Variants in ERBIN observed in about 807,000 individuals in gnomAD.
ERBIN encodes the protein erbb2 interacting protein.
In ERBIN, 60 loss-of-function variants were observed where a neutral mutation model predicts 158.4. The ratio of observed to expected loss-of-function variants is 0.38; its 90% CI spans 0.31 to 0.47. The LOEUF (loss-of-function observed/expected upper bound fraction) is 0.47. Ranked by LOEUF, ERBIN falls within the 20% of genes least tolerant of loss-of-function variation. The pLI is 0.99. For synonymous variants in ERBIN, 594 were observed against 557.2 expected, an observed-to-expected ratio of 1.07 and a Z score of -0.93; for missense variants, 1,610 against 1,648.0, an observed-to-expected ratio of 0.98 and a Z score of 0.40.
chr5:65,973,933 A>G (rs543159723), intron 1 of ERBIN, among the ~76,000 whole-genome samples: 2 of 151,484 alleles, frequency 1.3e-5, no homozygotes, highest in Admixed American at 1.3e-4. Context: ...CTATTGTGCT[A>G]ATACATAAAA....
In ERBIN at chr5:66,029,846, C is replaced by G. The variant is rs1756669837; in HGVS notation, c.1206+1503C>G. On this transcript the variant is annotated intron_variant, in intron 14 of 25. Transcript: ENST00000284037. ...CCTCATGATCCGCTTGTGTTGGCCT[C>G]CCAAAAGTGCTGGGATTACAGGCGT... Among the ~76,000 whole-genome samples, 3 of 152,138 alleles carry G rather than the reference C, an allele frequency of 2.0e-5. No homozygotes were observed. The South Asian group carries it at 6.2e-4, about 32-fold the overall frequency.
At chr5:65,957,242 A>G (rs912658819) in intron 1 of ERBIN, among the ~76,000 whole-genome samples, 1 of 147,836 alleles carries the variant, frequency 6.8e-6, no homozygotes, top group Non-Finnish European at 1.5e-5. Flanking sequence ...TTTTTTATTG[A>G]TCATTCTTGG....
At chr5:66,055,354 T>C (rs557422610) in intron 21 of ERBIN, among the ~76,000 whole-genome samples, 32 of 152,314 alleles carry the variant, frequency 2.1e-4, no homozygotes, top group Non-Finnish European at 3.8e-4. Context: ...CAAATGTAAA[T>C]ATTTCATCTA....
intron 14 of ERBIN, among the ~76,000 whole-genome samples, chr5:66,031,376 A>T (rs1198028822): frequency 6.6e-6 from 1 of 152,212 alleles, no homozygotes; most frequent in Non-Finnish European, 1.5e-5. Flanking sequence ...TGTGCCAGGC[A>T]ATTTAAGGTG....
chr5:65,965,920 A>G (rs995111427), intron 1 of ERBIN, among the ~76,000 whole-genome samples: 3 of 152,216 alleles, frequency 2.0e-5, no homozygotes, highest in South Asian at 2.1e-4. Flanking sequence ...TGATAAATCC[A>G]TGGGATCAAA....
intron 21 of ERBIN, among the ~76,000 whole-genome samples, chr5:66,066,538 A>AT (rs1761022389): frequency 1.3e-5 from 2 of 151,952 alleles, no homozygotes; most frequent in African/African-American, 4.8e-5. Context: ...AAAAAAAACA[A>AT]AAAAAACTGT....
chr5:66,010,387 A>G (rs1754078768), intron 4 of ERBIN, among the ~76,000 whole-genome samples: 1 of 152,162 alleles, frequency 6.6e-6, no homozygotes, highest in Non-Finnish European at 1.5e-5. Flanking sequence ...CTTTCAAGCA[A>G]TTTTGAAGGT....
Position 66,077,789 on chromosome 5 carries a change from C to T in ERBIN, c.4132-634C>T, listed in dbSNP as rs969065838. ...ACACACACACACACACACACACACA[C>T]ACACATACACACACACACACAGTCA... is the stretch of plus-strand genomic sequence containing the variant. On this transcript the variant is annotated intron_variant, in intron 25 of 25. Coordinates refer to ENST00000284037, the MANE Select transcript of ERBIN (RefSeq NM_001253697.2). 1.7e-3 allele frequency among the ~76,000 whole-genome samples: 219 copies of T among 131,918 alleles called. 1 individual carries two copies. Among genetic ancestry groups the T allele is most frequent in the African/African-American group, 6.4e-3 (217 of 33,806 alleles). 86.5% of individuals were successfully genotyped at this position (131,918 alleles called of 152,430 possible).
rs1389210458 is a variant in ERBIN, at chr5:66,081,392, G to A, written c.*2862G>A. 2.0e-5 allele frequency: 3 copies of A among 151,864 alleles called. No homozygotes were observed. Among genetic ancestry groups the A allele is most frequent in the Admixed American group, 2.0e-4 (3 of 15,254 alleles). The allele number at this position is 151,864 out of a possible 1,614,324, so 9.4% of individuals were successfully genotyped here. On this transcript the variant is annotated 3_prime_UTR_variant, in exon 26 of 26. Coordinates refer to ENST00000284037, the MANE Select transcript of ERBIN (RefSeq NM_001253697.2). Reference sequence around the variant, plus strand: ...CTTAATTCTTTTAAACACAAAACTTGCCATAAGCAGAACCAAACTTTTAAG... The same window carrying A: ...CTTAATTCTTTTAAACACAAAACTTACCATAAGCAGAACCAAACTTTTAAG...
At chr5:66,019,346 A>T (rs1259805464) in intron 7 of ERBIN, among the ~76,000 whole-genome samples, 2 of 152,216 alleles carry the variant, frequency 1.3e-5, no homozygotes, top group Admixed American at 6.5e-5. Context: ...TATATAGTTA[A>T]GTGAAATTTA....
At chr5:65,958,242 T>G (rs1747478284) in intron 1 of ERBIN, among the ~76,000 whole-genome samples, 1 of 151,996 alleles carries the variant, frequency 6.6e-6, no homozygotes. Context: ...GGCTGCAATC[T>G]CGGCACTTTG....
At chr5:66,039,975 A>G (rs1757772749) in intron 15 of ERBIN, among the ~76,000 whole-genome samples, 3 of 151,966 alleles carry the variant, frequency 2.0e-5, no homozygotes, top group African/African-American at 7.2e-5. Flanking sequence ...TCTGGCAGAG[A>G]GCAAGAAATA....
At chr5:65,967,706 G>A (rs1748818173) in intron 1 of ERBIN, among the ~76,000 whole-genome samples, 1 of 152,198 alleles carries the variant, frequency 6.6e-6, no homozygotes, top group South Asian at 2.1e-4. Flanking sequence ...GATGCCTTTG[G>A]TTAATCAGAC....
At chr5:66,020,316 C>G (rs1373209160) in intron 7 of ERBIN, among the ~76,000 whole-genome samples, 2 of 151,924 alleles carry the variant, frequency 1.3e-5, no homozygotes, top group Non-Finnish European at 2.9e-5. Context: ...TTTTATTTTA[C>G]TTATTACTAA....
intron 1 of ERBIN, among the ~76,000 whole-genome samples, chr5:65,963,942 G>C (rs1748231538): frequency 6.6e-6 from 1 of 151,984 alleles, no homozygotes; most frequent in Non-Finnish European, 1.5e-5. Flanking sequence ...TGGGACTACA[G>C]GCGCCTGCCA....
At chr5:66,060,132 A>C (rs936804527) in intron 21 of ERBIN, among the ~76,000 whole-genome samples, 14 of 152,020 alleles carry the variant, frequency 9.2e-5, no homozygotes, top group South Asian at 8.3e-4. Flanking sequence ...CCTCCTTGTA[A>C]CTCTGGTAGA....
intron 21 of ERBIN, among the ~76,000 whole-genome samples, chr5:66,056,535 A>G (rs1759596940): frequency 1.3e-5 from 2 of 151,028 alleles, no homozygotes; most frequent in South Asian, 2.1e-4. Context: ...CAGTGTGCCA[A>G]TCCGCTTTTT....
At chr5:65,936,066 C>G (rs979180150) in intron 1 of ERBIN, among the ~76,000 whole-genome samples, 1 of 151,860 alleles carries the variant, frequency 6.6e-6, no homozygotes. Flanking sequence ...TTGCATGATC[C>G]TGAAGTCTTG....
Position 66,053,447 on chromosome 5 carries a change from A to G in ERBIN, c.2129A>G (p.Asp710Gly), listed in dbSNP as rs748137652. ...ENFNSLLQNG[D>G]ILNSSTEEKF... ...TTTAACAGCCTTTTACAAAATGGAG[A>G]TATTTTAAACAGTTCAACAGAGGAA... Residue 710 changes from aspartate to glycine, a missense_variant, in exon 21 of 26, where the codon GAT becomes GGT. By Grantham distance (94) the Asp-to-Gly change is moderately conservative. Transcript: ENST00000284037. 4.0e-5 allele frequency: 60 copies of G among 1,510,772 alleles called. No homozygotes were observed. The highest frequency in any genetic ancestry group is 3.5e-4 in the Middle Eastern group (2 of 5,666). 93.6% of individuals were successfully genotyped at this position (1,510,772 alleles called of 1,614,324 possible). A position where few individuals can be genotyped will look rare whatever the true frequency, so the allele number is the denominator to read the frequency against.
Sources: allele counts gnomAD v4.1 joint callset (sites outside exome capture counted in the v4.1 genomes callset), GRCh38; gene constraint gnomAD v4.1.1; transcripts MANE v1.5; gene names NCBI Gene and HGNC (gene_info 2026-07-23, HGNC 2026-07-21).